Variants in PCDH9 observed in about 807,000 individuals in gnomAD.
The protein encoded by PCDH9 is protocadherin 9, also known as protocadherin-9.
A neutral mutation model predicts 70.6 loss-of-function variants in PCDH9; 24 were observed. The observed-to-expected ratio is 0.34, with a 90% CI of 0.25 to 0.48. PCDH9 has a LOEUF of 0.48. Ranked by LOEUF, PCDH9 falls within the 20% of genes least tolerant of loss-of-function variation. The pLI, the probability that PCDH9 is intolerant of heterozygous loss-of-function variation, is 0.99. For synonymous variants in PCDH9, 562 were observed against 558.5 expected (o/e 1.01, Z -0.09); for missense variants, 1,281 against 1,503.6 (o/e 0.85, Z 2.45).
chr13:66,811,755 T>C lies in PCDH9; in HGVS notation c.3138+91749A>G, dbSNP rs200778901. ...TTCTCTCCTTCCTTCCTTCCTTTCT[T>C]TTTCTTTCTCTCTCTCTCTCTCTCT... On this transcript the variant is annotated intron_variant, in intron 3 of 4. Coordinates refer to ENST00000377865, the MANE Select transcript of PCDH9 (RefSeq NM_203487.3). Among the ~76,000 whole-genome samples the C allele has an allele frequency of 3.4e-4, 50 of 146,278 alleles. 1 individual carries two copies. The highest frequency in any genetic ancestry group is 9.6e-4 in the African/African-American group (38 of 39,454).
chr13:66,428,580 C>G (rs772622986), intron 4 of PCDH9, among the ~76,000 whole-genome samples: 2 of 151,642 alleles, frequency 1.3e-5, no homozygotes, highest in Non-Finnish European at 3.0e-5. Flanking sequence ...TTACTTAATC[C>G]TTTTACCCTC....
intron 4 of PCDH9, among the ~76,000 whole-genome samples, chr13:66,449,022 A>G (rs1360737169): frequency 2.0e-5 from 3 of 152,196 alleles, no homozygotes; most frequent in Non-Finnish European, 4.4e-5. Flanking sequence ...GATATAAAGA[A>G]ATTGAATAGT....
At chr13:66,367,085 TATTTA>T (rs946255860) in intron 4 of PCDH9, among the ~76,000 whole-genome samples, 107 of 152,268 alleles carry the variant, frequency 7.0e-4, no homozygotes, top group Middle Eastern at 3.4e-3. Flanking sequence ...TTTTTAAATT[TATTTA>T]ATTTATTTGT....
rs565432840 is a variant in PCDH9 at position 66,687,115 on chromosome 13, G to T, written c.3139-55704C>A. Among the ~76,000 whole-genome samples the T allele has an allele frequency of 5.9e-5, 9 of 152,234 alleles. No individual in the cohort carries two copies. The South Asian group carries it at 1.9e-3, about 32-fold the overall frequency. On this transcript the variant is annotated intron_variant, in intron 3 of 4. Transcript: ENST00000377865. ...ATGAGATGAGGGTTATTAAGCATAA[G>T]TTATTCCTGTGTGATAATCACAAGC...
intron 4 of PCDH9, among the ~76,000 whole-genome samples, chr13:66,398,489 G>A (rs979928783): frequency 6.6e-6 from 1 of 151,932 alleles, no homozygotes; most frequent in Non-Finnish European, 1.5e-5. Context: ...ATCCCCGTTA[G>A]GGTTTCTTAC....
At chr13:66,459,197 G>C (rs1028041010) in intron 4 of PCDH9, among the ~76,000 whole-genome samples, 1 of 151,966 alleles carries the variant, frequency 6.6e-6, no homozygotes, top group Non-Finnish European at 1.5e-5. Flanking sequence ...CCTGTGGAGA[G>C]GTTGACCCAG....
intron 3 of PCDH9, among the ~76,000 whole-genome samples, chr13:66,856,923 A>G (rs890802587): frequency 2.0e-5 from 3 of 152,064 alleles, no homozygotes; most frequent in Admixed American, 6.6e-5. Flanking sequence ...TGGGGCATAC[A>G]CTATTGAACA....
At chr13:66,746,510 A>G (rs2079365987) in intron 3 of PCDH9, among the ~76,000 whole-genome samples, 1 of 152,186 alleles carries the variant, frequency 6.6e-6, no homozygotes, top group African/African-American at 2.4e-5. Flanking sequence ...AGAGAGAAAG[A>G]AAGAAAGCAA....
chr13:66,307,594 A>G (rs1357953523), intron 4 of PCDH9, among the ~76,000 whole-genome samples: 1 of 152,092 alleles, frequency 6.6e-6, no homozygotes, highest in Non-Finnish European at 1.5e-5. Flanking sequence ...CATATCTTGA[A>G]GCCTACAAGC....
intron 4 of PCDH9, among the ~76,000 whole-genome samples, chr13:66,374,208 A>G (rs1956708998): frequency 6.6e-6 from 1 of 152,084 alleles, no homozygotes; most frequent in Non-Finnish European, 1.5e-5. Flanking sequence ...TTATATGAAT[A>G]TAATTCAACT....
At chr13:66,607,264 T>A (rs2077232581) in intron 4 of PCDH9, among the ~76,000 whole-genome samples, 1 of 152,122 alleles carries the variant, frequency 6.6e-6, no homozygotes, top group Admixed American at 6.6e-5. Flanking sequence ...TTTTTTCATG[T>A]GAAAATGATA....
chr13:67,162,324 C>CA (rs1335605204), intron 2 of PCDH9, among the ~76,000 whole-genome samples: 2 of 152,112 alleles, frequency 1.3e-5, no homozygotes, highest in Non-Finnish European at 2.9e-5. Flanking sequence ...TGTCAACTTT[C>CA]AAAAAAATCT....
At chr13:66,996,459 AAG>A (rs1348750234) in intron 2 of PCDH9, among the ~76,000 whole-genome samples, 2 of 152,208 alleles carry the variant, frequency 1.3e-5, no homozygotes, top group African/African-American at 4.8e-5. Context: ...CTCACAGAGA[AAG>A]AGATATTTGA....
At chr13:66,700,923 AATATATAT>A (rs58852431) in intron 3 of PCDH9, among the ~76,000 whole-genome samples, 2,431 of 58,304 alleles carry the variant, frequency 0.042, 65 homozygotes, top group Middle Eastern at 0.073. Context: ...TGTACATATA[AATATATAT>A]ATATATATAT....
intron 3 of PCDH9, among the ~76,000 whole-genome samples, chr13:66,653,602 G>C (rs1222903317): frequency 1.3e-5 from 2 of 152,056 alleles, no homozygotes; most frequent in Admixed American, 6.5e-5. Context: ...AGAACAGTTT[G>C]GAGGTCCCTC....
At chr13:67,203,238 G>A (rs1593613448) in intron 2 of PCDH9, 2 of 151,920 alleles carry the variant, frequency 1.3e-5, no homozygotes, top group East Asian at 3.9e-4. Flanking sequence ...TTCTTAAATT[G>A]GCTAACAAAT....
At chr13:66,930,720 C>T (rs533512025) in intron 2 of PCDH9, among the ~76,000 whole-genome samples, 1 of 151,958 alleles carries the variant, frequency 6.6e-6, no homozygotes, top group South Asian at 2.1e-4. Context: ...TTAATGGTAG[C>T]TTACATCTAG....
At chr13:66,623,274 C>T (rs778744701) in intron 4 of PCDH9, among the ~76,000 whole-genome samples, 3 of 152,178 alleles carry the variant, frequency 2.0e-5, no homozygotes, top group Non-Finnish European at 4.4e-5. Context: ...AGATGAGTGT[C>T]CTATAATTAA....
At chr13:66,872,831 G>T (rs1466788874) in intron 3 of PCDH9, among the ~76,000 whole-genome samples, 3 of 152,010 alleles carry the variant, frequency 2.0e-5, no homozygotes. Flanking sequence ...CTCAAAGAAC[G>T]TGCTCTTCTG....
Sources: allele counts gnomAD v4.1 joint callset (sites outside exome capture counted in the v4.1 genomes callset), GRCh38; gene constraint gnomAD v4.1.1; transcripts MANE v1.5; gene names NCBI Gene and HGNC (gene_info 2026-07-23, HGNC 2026-07-21).